DYSF: variants seen among roughly 807,000 people sequenced by gnomAD.
The protein encoded by DYSF is dystrophy-associated fer-1-like 1.
In DYSF, 212 loss-of-function variants were observed where a neutral mutation model predicts 274.9. That is an observed-to-expected ratio of 0.77 (90% CI 0.69 to 0.86). The LOEUF (loss-of-function observed/expected upper bound fraction) is 0.86, where lower values mean the gene tolerates loss of function less well. Ranked by LOEUF, DYSF falls within the 40% of genes least tolerant of loss-of-function variation. The pLI, the probability that DYSF is intolerant of heterozygous loss-of-function variation, is 0.00. For missense variants in DYSF, 2,666 were observed against 2,783.2 expected (o/e 0.96, Z 0.95); for synonymous variants, 1,091 against 1,078.7 (o/e 1.01, Z -0.22).
rs767741975 is a variant in DYSF at position 71,480,866 on chromosome 2, T to G, written c.92-17T>G. On this transcript the variant is annotated splice_polypyrimidine_tract_variant and intron_variant, in intron 1 of 55. Transcript: ENST00000410020. ...GCGGGATGTGTCTCTCCATTCTCCCTTTTGTGTCTCTTGTAGGGGTGAAGA... is the reference window on the plus strand; with the variant it reads ...GCGGGATGTGTCTCTCCATTCTCCCGTTTGTGTCTCTTGTAGGGGTGAAGA... 7.4e-6 allele frequency: 12 copies of G among 1,612,238 alleles called. No individual in the cohort carries two copies. The East Asian group carries it at 2.5e-4, about 33-fold the overall frequency.
intron 3 of DYSF, among the ~76,000 whole-genome samples, chr2:71,490,402 C>T (rs189493240): frequency 5.9e-5 from 9 of 152,230 alleles, no homozygotes; most frequent in African/African-American, 2.2e-4. Context: ...TGCAATGGCA[C>T]GATCTCAGCT....
At chr2:71,479,533 TTTC>T (rs1340251341) in intron 1 of DYSF, among the ~76,000 whole-genome samples, 1 of 152,174 alleles carries the variant, frequency 6.6e-6, no homozygotes, top group East Asian at 1.9e-4. Context: ...CACCTGCCTG[TTTC>T]TCCCAGCCTA....
At chr2:71,584,003 G>A (rs1303407305) in intron 30 of DYSF, among the ~76,000 whole-genome samples, 1 of 152,162 alleles carries the variant, frequency 6.6e-6, no homozygotes, top group Non-Finnish European at 1.5e-5. Flanking sequence ...CAGTTCCCTG[G>A]ACAAGCAGCA....
At position 71,600,800 on chromosome 2, in the gene DYSF, G is replaced by T. The variant is rs765136335; in HGVS notation, c.3855G>T (p.Ser1285=). The T allele has an allele frequency of 2.5e-6, 4 of 1,613,278 alleles. No homozygotes were observed. The South Asian group carries it at 4.4e-5, about 18-fold the overall frequency. The change falls in exon 34 of 56, where the codon TCG becomes TCT. Residue 1285 remains serine (S), a synonymous_variant. Coordinates refer to ENST00000410020, the MANE Select transcript of DYSF (RefSeq NM_001130987.2). ...CACTGACGAGGGGCAGCCAGCCGTC[G>T]GGGGAGCTGCTGGCCTCTTTTGAGC... ...WFPLTRGSQP[S]GELLASFELI... is the part of the protein sequence containing the mutation.
intron 45 of DYSF, among the ~76,000 whole-genome samples, chr2:71,661,256 C>T (rs2094876712): frequency 6.6e-6 from 1 of 150,856 alleles, no homozygotes; most frequent in Non-Finnish European, 1.5e-5. Context: ...GTTACAGAGA[C>T]AGTGCATAAT....
Position 71,561,844 on chromosome 2 carries a change from C to T in DYSF, c.2309C>T (p.Thr770Ile), listed in dbSNP as rs765744144. Residue 770 changes from threonine (T) to isoleucine (I), a missense_variant, in exon 23 of 56, where the codon ACT (threonine) becomes ATT (isoleucine). By Grantham distance (89) the Thr-to-Ile change is moderately conservative. Coordinates refer to ENST00000410020, the MANE Select transcript of DYSF (RefSeq NM_001130987.2). ...CGCACCCATCACCTGAGCCAAATCA[C>T]TGAGGCTGCCCTGGCCCTGAAGCTC... ...QLRTHHLSQITEAALALKLGH... is the reference protein window; with the variant it reads ...QLRTHHLSQIIEAALALKLGH... 6.2e-7 allele frequency: 1 copy of T among 1,614,206 alleles called. No homozygotes were observed. The highest frequency in any genetic ancestry group is 8.5e-7 in the Non-Finnish European group (1 of 1,180,032).
At chr2:71,572,833 C>T (rs1017918309) in intron 29 of DYSF, among the ~76,000 whole-genome samples, 2 of 152,154 alleles carry the variant, frequency 1.3e-5, no homozygotes, top group Non-Finnish European at 2.9e-5. Flanking sequence ...GGGATGGGTG[C>T]GCCACACGTG....
At chr2:71,671,916 G>T (rs115338425) in intron 51 of DYSF, among the ~76,000 whole-genome samples, 1 of 152,158 alleles carries the variant, frequency 6.6e-6, no homozygotes, top group African/African-American at 2.4e-5. Flanking sequence ...CTGCCTGATG[G>T]CCAAGAGGGT....
At chr2:71,554,380 C>T (rs2091191231) in intron 21 of DYSF, among the ~76,000 whole-genome samples, 1 of 152,200 alleles carries the variant, frequency 6.6e-6, no homozygotes, top group African/African-American at 2.4e-5. Flanking sequence ...AGGGCATAGG[C>T]TCACTTGTGC....
At chr2:71,503,116 C>A in intron 3 of DYSF, 98 bp from the exon 4 acceptor site, 1 of 1,099,684 alleles carries the variant, frequency 9.1e-7, no homozygotes, top group Non-Finnish European at 1.4e-6. Flanking sequence ...GTGGTCTAGG[C>A]AGACCAGCCT....
Position 71,611,538 on chromosome 2 carries a change from A to C in DYSF, c.4133A>C (p.Glu1378Ala). ...ANISSPSLVV[E>A]CGGQTVQSCV... ...ATCTCCTCCCCCAGCCTCGTGGTAG[A>C]GTGTGGGGGCCAGACGGTGCAGTCC... is the stretch of plus-strand genomic sequence containing the variant. The change falls in exon 38 of 56, where the codon GAG becomes GCG. Residue 1378 changes from glutamate (E) to alanine (A), a missense_variant. Glu to Ala is a moderately radical substitution (Grantham distance 107). Coordinates refer to ENST00000410020, the MANE Select transcript of DYSF (RefSeq NM_001130987.2). 1 of 1,613,702 alleles carries C rather than the reference A, an allele frequency of 6.2e-7. No individual in the cohort carries two copies. The highest frequency in any genetic ancestry group is 8.5e-7 in the Non-Finnish European group (1 of 1,179,912).
At chr2:71,619,627 A>G (rs536577856) in intron 40 of DYSF, among the ~76,000 whole-genome samples, 3 of 152,244 alleles carry the variant, frequency 2.0e-5, no homozygotes, top group Admixed American at 6.5e-5. Flanking sequence ...TCTGGGTCCT[A>G]GCTGGCTGCT....
At chr2:71,594,757 G>A (rs1374597311) in intron 32 of DYSF, among the ~76,000 whole-genome samples, 2 of 152,118 alleles carry the variant, frequency 1.3e-5, no homozygotes, top group Non-Finnish European at 2.9e-5. Flanking sequence ...TGGTCTGCAC[G>A]GCCTACCTCC....
intron 32 of DYSF, among the ~76,000 whole-genome samples, chr2:71,596,144 C>A (rs759710996): frequency 6.6e-6 from 1 of 151,756 alleles, no homozygotes; most frequent in Admixed American, 6.6e-5. Context: ...CTCCCATGGG[C>A]GGGTGGGGCA....
intron 26 of DYSF, 131 bp downstream of exon 26, chr2:71,568,469 C>A: frequency 8.1e-7 from 1 of 1,236,668 alleles, no homozygotes; most frequent in Non-Finnish European, 1.1e-6. Flanking sequence ...TAGGAACTTC[C>A]GCTGAACTCT....
intron 36 of DYSF, among the ~76,000 whole-genome samples, chr2:71,605,896 C>T (rs578085176): frequency 2.7e-4 from 41 of 152,160 alleles, no homozygotes; most frequent in Admixed American, 9.2e-4. Context: ...TTGTTCCTAA[C>T]GAGCTGGGTG....
intron 9 of DYSF, among the ~76,000 whole-genome samples, 182 bp from the exon 10 acceptor site, chr2:71,516,807 G>C (rs1438733624): frequency 6.6e-6 from 1 of 152,148 alleles, no homozygotes; most frequent in Non-Finnish European, 1.5e-5. Context: ...CTGTGAAATG[G>C]GGATAATGAC....
chr2:71,459,394 T>C (rs1485820364), intron 1 of DYSF, among the ~76,000 whole-genome samples: 1 of 152,038 alleles, frequency 6.6e-6, no homozygotes, highest in East Asian at 1.9e-4. Flanking sequence ...CACAAATAAG[T>C]AGTGACAGGG....
intron 34 of DYSF, 78 bp downstream of exon 34, chr2:71,600,920 A>G: frequency 6.3e-7 from 1 of 1,587,384 alleles, no homozygotes; most frequent in Non-Finnish European, 8.5e-7. Context: ...GGAGCCTGGA[A>G]CACCTCCTCT....
Sources: allele counts gnomAD v4.1 joint callset (sites outside exome capture counted in the v4.1 genomes callset), GRCh38; gene constraint gnomAD v4.1.1; transcripts MANE v1.5; gene names NCBI Gene and HGNC (gene_info 2026-07-23, HGNC 2026-07-21).